CACNA2D2: variants seen among roughly 807,000 people sequenced by gnomAD.
CACNA2D2 encodes the protein voltage-dependent calcium channel subunit alpha-2/delta-2.
A neutral mutation model predicts 166.4 loss-of-function variants in CACNA2D2; 48 were observed. That is an observed-to-expected ratio of 0.29 (90% confidence interval 0.23 to 0.37). The LOEUF (loss-of-function observed/expected upper bound fraction) is 0.37. Among genes scored for constraint, CACNA2D2 ranks in the 10% least tolerant of loss-of-function variants. The pLI is 1.00. For synonymous variants in CACNA2D2, 561 were observed against 573.7 expected (o/e 0.98, Z 0.32); for missense variants, 1,122 against 1,433.0 (o/e 0.78, Z 3.50).
chr3:50,377,177 T>C (rs1351242515), intron 17 of CACNA2D2, among the ~76,000 whole-genome samples: 1 of 152,244 alleles, frequency 6.6e-6, no homozygotes, highest in Non-Finnish European at 1.5e-5. Context: ...GCCATGCCCA[T>C]TGTTTATGTT....
At chr3:50,419,496 C>G (rs1306873756) in intron 3 of CACNA2D2, among the ~76,000 whole-genome samples, 2 of 152,200 alleles carry the variant, frequency 1.3e-5, no homozygotes, top group Non-Finnish European at 2.9e-5. Flanking sequence ...GACACCAAAC[C>G]TGGGCTGCTT....
intron 1 of CACNA2D2, among the ~76,000 whole-genome samples, chr3:50,482,352 C>T (rs1698089112): frequency 6.6e-6 from 1 of 152,222 alleles, no homozygotes. Flanking sequence ...TCCCTCTATA[C>T]CTAGTGCCTG....
At chr3:50,414,446 C>T (rs1300256927) in intron 3 of CACNA2D2, among the ~76,000 whole-genome samples, 5 of 152,210 alleles carry the variant, frequency 3.3e-5, no homozygotes, top group Non-Finnish European at 7.3e-5. Flanking sequence ...GAGGTCAAAG[C>T]AGGGCTGGCA....
intron 13 of CACNA2D2, among the ~76,000 whole-genome samples, chr3:50,378,591 A>G (rs1705115301): frequency 6.6e-6 from 1 of 152,218 alleles, no homozygotes; most frequent in Admixed American, 6.5e-5. Flanking sequence ...GAGGTCCCTC[A>G]TTTTAGGGTG....
At chr3:50,410,508 CAG>C (rs1344677745) in intron 3 of CACNA2D2, among the ~76,000 whole-genome samples, 1 of 151,928 alleles carries the variant, frequency 6.6e-6, no homozygotes, top group Non-Finnish European at 1.5e-5. Flanking sequence ...CTTTGTGCCC[CAG>C]AGTCAGCCCA....
At chr3:50,503,157 C>G (rs959124630) in intron 1 of CACNA2D2, 61 bp downstream of exon 1, 2 of 1,026,384 alleles carry the variant, frequency 1.9e-6, no homozygotes, top group East Asian at 4.1e-5. Flanking sequence ...GTAGCGCGGA[C>G]CGGGGGCAGA....
chr3:50,479,255 G>A (rs929967263), intron 1 of CACNA2D2, among the ~76,000 whole-genome samples: 1 of 152,100 alleles, frequency 6.6e-6, no homozygotes, highest in African/African-American at 2.4e-5. Flanking sequence ...TGGGCTGCAG[G>A]AACTGGCCTG....
rs902415770 is a variant in CACNA2D2, at chr3:50,381,079, C to A, written c.700G>T (p.Val234Leu). ...TCTTGTCTGCGGTTTTCCATGAACA[C>A]ATTCTCCAGGGCCTCTGTCCAGTTG... ...ELNWTEALEN[V>L]FMENRRQDPT... The change falls in exon 7 of 38, where the codon GTG (valine) becomes TTG (leucine). Residue 234 changes from valine to leucine, a missense_variant. Physicochemically the swap from Val to Leu is conservative, Grantham distance 32. Coordinates refer to ENST00000424201, the MANE Select transcript of CACNA2D2 (RefSeq NM_006030.4). 2.5e-6 allele frequency: 4 copies of A among 1,613,690 alleles called. No homozygotes were observed. The highest frequency in any genetic ancestry group is 3.4e-6 in the Non-Finnish European group (4 of 1,179,888).
chr3:50,442,775 C>T (rs1051523387), intron 2 of CACNA2D2, among the ~76,000 whole-genome samples: 1 of 152,202 alleles, frequency 6.6e-6, no homozygotes, highest in Non-Finnish European at 1.5e-5. Flanking sequence ...ACTGAGAAAG[C>T]AGCTGGGGTA....
rs1024121838 is a variant in CACNA2D2 at position 50,410,483 on chromosome 3, G to A, written c.406-16315C>T. On this transcript the variant is annotated intron_variant, in intron 3 of 37. Coordinates refer to ENST00000424201, the MANE Select transcript of CACNA2D2 (RefSeq NM_006030.4). ...CAGAGCTGGGTGCTCCCTGGGATGG[G>A]GGGGGGGGTGTTGTCTTTGTGCCCC... 2.0e-5 allele frequency among the ~76,000 whole-genome samples: 3 copies of A among 147,598 alleles called. No individual in the cohort carries two copies. The South Asian group carries it at 6.3e-4, about 31-fold the overall frequency.
chr3:50,453,871 C>A (rs766834120), intron 2 of CACNA2D2, among the ~76,000 whole-genome samples: 1 of 151,932 alleles, frequency 6.6e-6, no homozygotes, highest in Non-Finnish European at 1.5e-5. Flanking sequence ...GGAGGGGAGC[C>A]CCGGTTTGGA....
At chr3:50,472,941 AG>A (rs1243432927) in intron 2 of CACNA2D2, among the ~76,000 whole-genome samples, 1 of 152,188 alleles carries the variant, frequency 6.6e-6, no homozygotes, top group Non-Finnish European at 1.5e-5. Context: ...CTCAGGCCCT[AG>A]GGGCTCTGCA....
intron 3 of CACNA2D2, among the ~76,000 whole-genome samples, chr3:50,420,227 G>A (rs1035917738): frequency 6.6e-6 from 1 of 152,264 alleles, no homozygotes; most frequent in Non-Finnish European, 1.5e-5. Flanking sequence ...GCAAGGGGGA[G>A]AGCAGAAAAG....
intron 2 of CACNA2D2, among the ~76,000 whole-genome samples, chr3:50,434,858 AAAG>A (rs1049384605): frequency 5.8e-4 from 89 of 152,356 alleles, no homozygotes; most frequent in African/African-American, 2.1e-3. Context: ...CCCATCCCAA[AAAG>A]AAGATGCTCA....
rs925640129 is a variant in CACNA2D2 at position 50,376,220 on chromosome 3, G to C, written c.1627-32C>G. The stretch of plus-strand genomic sequence containing the variant: ...GCACAGATTGGGGGCTCAGGGTCTG[G>C]AGGGATGGGCTGGGGTTCCCTGGGC... On this transcript the variant is annotated intron_variant, in intron 17 of 37. Coordinates refer to ENST00000424201, the MANE Select transcript of CACNA2D2 (RefSeq NM_006030.4). This position sits in a 1 kb window ranked among gnomAD's most constrained non-coding sequence, Gnocchi z 4.3. 6.8e-6 allele frequency: 11 copies of C among 1,610,094 alleles called. No homozygotes were observed. Among genetic ancestry groups the C allele is most frequent in the African/African-American group, 4.0e-5 (3 of 74,792 alleles).
chr3:50,368,864 AG>A (rs1452248746), intron 23 of CACNA2D2, among the ~76,000 whole-genome samples: 2 of 152,158 alleles, frequency 1.3e-5, no homozygotes, highest in African/African-American at 2.4e-5. Context: ...GTGGGGCGTG[AG>A]GGGGTCTGCT....
rs376584519 is a variant in CACNA2D2 at position 50,370,406 on chromosome 3, G to C, written c.1985-26C>G. ...CTGCAACAGAAACGGGGGGTTATCC[G>C]GCGGGGGCTGGGGAGGCTGGAGGCC... On this transcript the variant is annotated intron_variant, in intron 22 of 37. Coordinates refer to ENST00000424201, the MANE Select transcript of CACNA2D2 (RefSeq NM_006030.4). 58 of 1,492,256 alleles carry C rather than the reference G, an allele frequency of 3.9e-5. No homozygotes were observed. In the African/African-American group the frequency reaches 7.5e-4, roughly 19 times the overall value. 92.4% of individuals were successfully genotyped at this position (1,492,256 alleles called of 1,614,324 possible).
intron 1 of CACNA2D2, among the ~76,000 whole-genome samples, chr3:50,476,721 C>T (rs1488873729): frequency 1.3e-5 from 2 of 152,132 alleles, no homozygotes; most frequent in African/African-American, 4.8e-5. Flanking sequence ...GAGCAGTGGA[C>T]GTGGAGAGTT....
At chr3:50,464,879 A>C (rs1709762480) in intron 2 of CACNA2D2, among the ~76,000 whole-genome samples, 1 of 152,258 alleles carries the variant, frequency 6.6e-6, no homozygotes, top group Non-Finnish European at 1.5e-5. Context: ...CTGGGCTGCA[A>C]GGCTGCTGGA....
Sources: gnomAD v4.1 joint callset for allele counts (sites outside exome capture counted in the v4.1 genomes callset) on GRCh38, gnomAD v4.1.1 for gene constraint, Gnocchi (gnomAD v3.1) non-coding constraint, MANE v1.5 for transcripts, NCBI Gene and HGNC (gene_info 2026-07-23, HGNC 2026-07-21) for gene names.